SHKBP1: variants seen among roughly 807,000 people sequenced by gnomAD.
SHKBP1 encodes the protein SH3KBP1-binding protein 1.
In SHKBP1, 71 loss-of-function variants were observed where a neutral mutation model predicts 83.9. The observed-to-expected ratio is 0.85, with a 90% confidence interval of 0.70 to 1.03. The LOEUF (loss-of-function observed/expected upper bound fraction) is 1.03, where lower values mean the gene tolerates loss of function less well. SHKBP1 is among the 50% of genes least tolerant of loss of function. The pLI is 0.00. For missense variants in SHKBP1, 824 were observed against 982.4 expected (o/e 0.84, Z 2.16); for synonymous variants, 371 against 398.0 (o/e 0.93, Z 0.81).
chr19:40,582,608 A>G (rs1599841638), intron 10 of SHKBP1, 142 bp downstream of exon 10: 1 of 660,928 alleles, frequency 1.5e-6, no homozygotes, highest in Non-Finnish European at 2.5e-6. Context: ...GAGCCTGGGG[A>G]TGTCTGTGAT....
At chr19:40,578,565 A>AG (rs3217684) in intron 6 of SHKBP1, 23 bp downstream of exon 6, 456,408 of 1,605,930 alleles carry the variant, frequency 0.28, 66,742 homozygotes, top group Middle Eastern at 0.3. Flanking sequence ...AATGGAATGG[A>AG]GGGGCGCGGA....
In SHKBP1 at chr19:40,577,390, C is replaced by G. The variant is rs777311538; in HGVS notation, c.141-6C>G. ...GTGACGCCTGCTCGGTGTCCCTTCC[C>G]TGCAGTCTTCTGAGCGGACGCATCT... On this transcript the variant is annotated splice_polypyrimidine_tract_variant and splice_region_variant and intron_variant, in intron 2 of 17. Coordinates refer to ENST00000291842, the MANE Select transcript of SHKBP1 (RefSeq NM_138392.4). The G allele has an allele frequency of 3.5e-5, 56 of 1,613,870 alleles. 1 individual carries two copies. In the South Asian group the frequency reaches 5.6e-4, roughly 16 times the overall value.
intron 1 of SHKBP1, 69 bp downstream of exon 1, chr19:40,577,054 C>T: frequency 1.5e-6 from 2 of 1,304,726 alleles, no homozygotes; most frequent in South Asian, 1.4e-5. Context: ...TCCGCCTCTC[C>T]TGGGGGAATC....
Position 40,590,289 on chromosome 19 carries a change from C to A in SHKBP1, c.1635C>A (p.Phe545Leu), listed in dbSNP as rs751193066. 1 of 1,608,012 alleles carries A rather than the reference C, an allele frequency of 6.2e-7. No individual in the cohort carries two copies. Among genetic ancestry groups the A allele is most frequent in the Admixed American group, 1.7e-5 (1 of 59,468 alleles). ...TGGACGGCTCACCCACGACAGCCTTCACAGTGCTGGAGTGCGAGGGCTCCC... is the reference window on the plus strand; with the variant it reads ...TGGACGGCTCACCCACGACAGCCTTAACAGTGCTGGAGTGCGAGGGCTCCC... The part of the protein sequence containing the change: ...RSVDGSPTTA[F>L]TVLECEGSRR... The change falls in exon 16 of 18, where the codon TTC becomes TTA. Residue 545 changes from phenylalanine (F) to leucine (L), a missense_variant. Around this residue, in one of 3 missense-constraint regions of SHKBP1, gnomAD observed 287 missense variants for 322.9 expected, o/e 0.89. Transcript: ENST00000291842. This position sits in a 1 kb window ranked among gnomAD's most constrained non-coding sequence, Gnocchi z 4.6.
Position 40,586,762 on chromosome 19 carries a change from G to T in SHKBP1, c.1166-12G>T. ...GGCCCAGGCCCTCTCCTCATCCTTG[G>T]CCCCTCACCAGGTGACAGTGGGAAC... On this transcript the variant is annotated splice_polypyrimidine_tract_variant and intron_variant, in intron 12 of 17. Transcript: ENST00000291842. 6.4e-7 allele frequency: 1 copy of T among 1,560,902 alleles called. No homozygotes were observed.
rs12610540 is a variant in SHKBP1 at position 40,578,699 on chromosome 19, T to G, written c.400+157T>G. ...CTTGGGCTGATGCTTGGAAAGGAAG[T>G]TGGACACAGCATTTCCCATGAGACA... On this transcript the variant is annotated intron_variant, in intron 6 of 17. Transcript: ENST00000291842. Among the ~76,000 whole-genome samples the G allele has an allele frequency of 2.3e-3, 356 of 152,232 alleles. 6 individuals carry two copies. Among genetic ancestry groups the G allele is most frequent in the Admixed American group, 0.022 (329 of 15,268 alleles).
At chr19:40,577,199 A>C in intron 1 of SHKBP1, 32 bp from the exon 2 acceptor site, 2 of 1,611,544 alleles carry the variant, frequency 1.2e-6, no homozygotes, top group Non-Finnish European at 1.7e-6. Context: ...GCTCCTCTTC[A>C]TCTCTTGCGT....
rs1404988651 is a variant in SHKBP1 at position 40,577,408 on chromosome 19, A to C, written c.153A>C (p.Gly51=). Residue 51 remains glycine, a synonymous_variant, in exon 3 of 18, where the codon GGA becomes GGC. Transcript: ENST00000291842. ...CCCTTCCCTGCAGTCTTCTGAGCGG[A>C]CGCATCTCGACGCTGAAAGATGAGA... The part of the protein sequence containing the change: ...PDSFFSSLLS[G]RISTLKDETG... 6.2e-7 allele frequency: 1 copy of C among 1,613,004 alleles called. No individual in the cohort carries two copies. Among genetic ancestry groups the C allele is most frequent in the Admixed American group, 1.7e-5 (1 of 59,922 alleles).
chr19:40,584,246 A>G (rs1053676296), intron 12 of SHKBP1, among the ~76,000 whole-genome samples: 1 of 152,034 alleles, frequency 6.6e-6, no homozygotes, highest in African/African-American at 2.4e-5. Context: ...TAGGGGCAGA[A>G]TGGACCATTA....
chr19:40,577,586 C>T lies in SHKBP1; in HGVS notation c.216C>T (p.Phe72=), dbSNP rs1568387158. The T allele has an allele frequency of 6.2e-7, 1 of 1,613,984 alleles. No homozygotes were observed. The highest frequency in any genetic ancestry group is 1.3e-5 in the African/African-American group (1 of 74,900). ...TCATCGACAGGGACCCTACAGTCTTCGCCCCCATCCTCAACTTCCTGCGCA... is the reference window on the plus strand; with the variant it reads ...TCATCGACAGGGACCCTACAGTCTTTGCCCCCATCCTCAACTTCCTGCGCA... ...AIFIDRDPTV[F]APILNFLRTK... Residue 72 remains phenylalanine (F), a synonymous_variant, in exon 4 of 18, where the codon TTC becomes TTT. Coordinates refer to ENST00000291842, the MANE Select transcript of SHKBP1 (RefSeq NM_138392.4).
chr19:40,584,279 T>C (rs2081294261), intron 12 of SHKBP1, among the ~76,000 whole-genome samples: 1 of 152,184 alleles, frequency 6.6e-6, no homozygotes, highest in African/African-American at 2.4e-5. Context: ...TGTGTTTCTT[T>C]CCCACCTTTG....
intron 15 of SHKBP1, among the ~76,000 whole-genome samples, chr19:40,589,859 A>C (rs902300167): frequency 6.6e-5 from 10 of 151,964 alleles, no homozygotes; most frequent in African/African-American, 1.9e-4. Flanking sequence ...GGGCCTTGTC[A>C]GGCTGTGGAA....
At chr19:40,581,319 T>C (rs1376731184) in intron 9 of SHKBP1, among the ~76,000 whole-genome samples, 1 of 151,962 alleles carries the variant, frequency 6.6e-6, no homozygotes, top group African/African-American at 2.4e-5. Context: ...GAGACCCCCT[T>C]GGCCAACAGG....
chr19:40,587,730 GT>G (rs2081323735), intron 13 of SHKBP1, among the ~76,000 whole-genome samples: 2 of 152,114 alleles, frequency 1.3e-5, no homozygotes, highest in South Asian at 4.1e-4. Context: ...GTGAGACATT[GT>G]TTCTACAAAA....
At position 40,586,836 on chromosome 19, in the gene SHKBP1, G is replaced by A; in HGVS notation, c.1228G>A (p.Val410Met). ...GTSSGGVRVI[V>M]QHPETVGSGP... is the part of the protein sequence containing the mutation. The stretch of plus-strand genomic sequence containing the variant: ...CAGCTCAGGGGGCGTGCGGGTCATC[G>A]TGCAGCACCCGGAGACTGTGGGCTC... The change falls in exon 13 of 18, where the codon GTG becomes ATG. Residue 410 changes from valine to methionine, a missense_variant. Physicochemically the swap from Val to Met is conservative, Grantham distance 21 (BLOSUM62 1). Transcript: ENST00000291842. The A allele has an allele frequency of 6.2e-7, 1 of 1,612,236 alleles. No homozygotes were observed. The highest frequency in any genetic ancestry group is 8.5e-7 in the Non-Finnish European group (1 of 1,178,858).
At chr19:40,578,058 T>G (rs2081235379) in intron 4 of SHKBP1, 96 bp from the exon 5 acceptor site, 1 of 1,013,042 alleles carries the variant, frequency 9.9e-7, no homozygotes, top group African/African-American at 1.6e-5. Flanking sequence ...TTTCTACCCC[T>G]TGACATTCTC....
At position 40,582,365 on chromosome 19, in the gene SHKBP1, G is replaced by T; in HGVS notation, c.859G>T (p.Gly287Trp). ...GCCCACTGCAGGGGTCTTTCATCTG[G>T]GGGTGCCTGTGGAGGCCTTGTTCTT... Reference protein sequence around the residue: ...GGSEIGVFHLGVPVEALFFVG... With the variant: ...GGSEIGVFHLWVPVEALFFVG... The change falls in exon 10 of 18, where the codon GGG (glycine) becomes TGG (tryptophan). Residue 287 changes from glycine to tryptophan, a missense_variant. Around this residue, in one of 3 missense-constraint regions of SHKBP1, gnomAD observed 355 missense variants for 386.4 expected, o/e 0.92. Transcript: ENST00000291842. 3 of 1,614,088 alleles carry T rather than the reference G, an allele frequency of 1.9e-6. No individual in the cohort carries two copies. Among genetic ancestry groups the T allele is most frequent in the Non-Finnish European group, 2.5e-6 (3 of 1,179,988 alleles).
At position 40,581,469 on chromosome 19, in the gene SHKBP1, C is replaced by T. The variant is rs528692192; in HGVS notation, c.844+533C>T. On this transcript the variant is annotated intron_variant, in intron 9 of 17. Transcript: ENST00000291842. Reference sequence around the variant, plus strand: ...GGCAGATGTTGCAGTGAGCTGAGATCGCACCACTGCATTCCAGCCTGAGCG... The same window carrying T: ...GGCAGATGTTGCAGTGAGCTGAGATTGCACCACTGCATTCCAGCCTGAGCG... Among the ~76,000 whole-genome samples the T allele has an allele frequency of 8.6e-5, 13 of 151,332 alleles. No individual in the cohort carries two copies. The East Asian group carries it at 1.2e-3, about 14-fold the overall frequency.
intron 6 of SHKBP1, among the ~76,000 whole-genome samples, chr19:40,579,650 G>A (rs1226221974): frequency 6.6e-6 from 1 of 152,104 alleles, no homozygotes. Context: ...GTGACAGAGC[G>A]AGATGCTGTC....
Sources: gnomAD v4.1 joint callset for allele counts (sites outside exome capture counted in the v4.1 genomes callset) on GRCh38, gnomAD v4.1.1 for gene constraint, gnomAD v4.1.1 regional missense constraint, Gnocchi (gnomAD v3.1) non-coding constraint, MANE v1.5 for transcripts, NCBI Gene and HGNC (gene_info 2026-07-23, HGNC 2026-07-21) for gene names.